GUCY2D: variants seen among roughly 807,000 people sequenced by gnomAD.
GUCY2D encodes the protein retinal guanylyl cyclase 1.
In GUCY2D, 70 loss-of-function variants were observed where a neutral mutation model predicts 101.3. That is an observed-to-expected ratio of 0.69 (90% confidence interval 0.57 to 0.84). The LOEUF is 0.84. Among genes scored for constraint, GUCY2D ranks in the 40% least tolerant of loss-of-function variants. The pLI is 0.00. For synonymous variants in GUCY2D, 688 were observed against 670.7 expected, an observed-to-expected ratio of 1.03 and a Z score of -0.40; for missense variants, 1,460 against 1,542.5, an observed-to-expected ratio of 0.95 and a Z score of 0.90.
intron 19 of GUCY2D, among the ~76,000 whole-genome samples, chr17:8,017,665 C>T (rs1044736063): frequency 6.6e-6 from 1 of 152,166 alleles, no homozygotes; most frequent in Non-Finnish European, 1.5e-5. Flanking sequence ...GCTGAGCAAG[C>T]AGTTGGACAG....
chr17:8,017,343 A>C (rs1315832684), intron 19 of GUCY2D, among the ~76,000 whole-genome samples: 1 of 152,140 alleles, frequency 6.6e-6, no homozygotes, highest in Admixed American at 6.5e-5. Flanking sequence ...TCCGCTTCCC[A>C]GTGTCTCTCA....
chr17:8,016,371 G>T, intron 18 of GUCY2D, 72 bp from the exon 19 acceptor site: 1 of 1,439,900 alleles, frequency 6.9e-7, no homozygotes. Flanking sequence ...CGCGCGCGAG[G>T]CAGCGATGAC....
chr17:8,016,407 T>C (rs1316247815), intron 18 of GUCY2D, 36 bp from the exon 19 acceptor site: 1 of 1,469,588 alleles, frequency 6.8e-7, no homozygotes, highest in Admixed American at 2.0e-5. Flanking sequence ...CCACGCCCCA[T>C]TCCCCTTCCC....
Position 8,013,048 on chromosome 17 carries a change from T to C in GUCY2D, c.2114-55T>C, listed in dbSNP as rs1009831970. On this transcript the variant is annotated intron_variant, in intron 10 of 19. Transcript: ENST00000254854. The surrounding 1 kb of genome is among the most constrained non-coding windows in gnomAD (Gnocchi z 5.0). Reference sequence around the variant, plus strand: ...TGTCTGGGTGCCAACCTGGGCTTTCTGGTGAGGGTGGGAGTCTTTCCCCAG... The same window carrying C: ...TGTCTGGGTGCCAACCTGGGCTTTCCGGTGAGGGTGGGAGTCTTTCCCCAG... The C allele has an allele frequency of 7.0e-6, 11 of 1,571,232 alleles. No individual in the cohort carries two copies. The highest frequency in any genetic ancestry group is 6.7e-5 in the East Asian group (3 of 44,480).
chr17:8,003,186 C>G lies in GUCY2D; in HGVS notation c.139C>G (p.Pro47Ala). Residue 47 changes from proline to alanine, a missense_variant, in exon 2 of 20, where the codon CCC (proline) becomes GCC (alanine). Pro to Ala is a conservative substitution (Grantham distance 27). This residue lies in a region of GUCY2D where 1,196 missense variants were observed against 1,229.6 expected (regional missense o/e 0.97). Transcript: ENST00000254854. ...CCTGCTGCTCCTGCTTCTGCTGCAG[C>G]CCCCCGCCCTCTCCGCCGTGTTCAC... is the stretch of plus-strand genomic sequence containing the variant. ...PLLLLLLLLQ[P>A]PALSAVFTVG... 6.6e-7 allele frequency: 1 copy of G among 1,514,272 alleles called. No homozygotes were observed. Among genetic ancestry groups the G allele is most frequent in the Non-Finnish European group, 8.8e-7 (1 of 1,137,160 alleles). 93.8% of individuals were successfully genotyped at this position (1,514,272 alleles called of 1,614,324 possible). A position where few individuals can be genotyped will look rare whatever the true frequency, so the allele number is the denominator to read the frequency against.
At position 8,014,511 on chromosome 17, in the gene GUCY2D, C is replaced by T; in HGVS notation, c.2413-90C>T. 8.2e-7 allele frequency: 1 copy of T among 1,221,406 alleles called. No individual in the cohort carries two copies. 75.7% of individuals were successfully genotyped at this position (1,221,406 alleles called of 1,614,324 possible). ...CAGCGGGGTTGGGGTTCAGAGTGAA[C>T]AGCCCCATGAGAGGGCCCATGAGGG... On this transcript the variant is annotated intron_variant, in intron 12 of 19. Transcript: ENST00000254854. The surrounding 1 kb of genome is among the most constrained non-coding windows in gnomAD (Gnocchi z 4.0).
chr17:8,010,827 G>A (rs561715780), intron 8 of GUCY2D, among the ~76,000 whole-genome samples: 83 of 143,670 alleles, frequency 5.8e-4, no homozygotes, highest in Middle Eastern at 3.6e-3. Flanking sequence ...AAAAAAAAAA[G>A]GAAAGGAAAG....
chr17:8,004,402 T>C (rs911825701), intron 3 of GUCY2D, among the ~76,000 whole-genome samples: 3 of 152,208 alleles, frequency 2.0e-5, no homozygotes, highest in Non-Finnish European at 4.4e-5. Context: ...AACTGTAAAC[T>C]GCAAAACCTT....
At chr17:8,012,732 G>C in intron 10 of GUCY2D, 126 bp downstream of exon 10, 1 of 823,064 alleles carries the variant, frequency 1.2e-6, no homozygotes, top group Non-Finnish European at 2.0e-6. Flanking sequence ...CACAATTCCT[G>C]CTACAGAAAA....
chr17:8,006,655 G>A lies in GUCY2D; in HGVS notation c.1319G>A (p.Gly440Glu), dbSNP rs1435233031. ...ACCCGGATGCACTTCCCGCGTGGGG[G>A]ATCAGCACCCGGACCTGACCCCTCG... ...AGTRMHFPRGGSAPGPDPSCW... is the reference protein window; with the variant it reads ...AGTRMHFPRGESAPGPDPSCW... The change falls in exon 4 of 20, where the codon GGA (glycine) becomes GAA (glutamate). Residue 440 changes from glycine (G) to glutamate (E), a missense_variant. Around this residue, in one of 3 missense-constraint regions of GUCY2D, gnomAD observed 1,196 missense variants for 1,229.6 expected, o/e 0.97. Coordinates refer to ENST00000254854, the MANE Select transcript of GUCY2D (RefSeq NM_000180.4). 1 of 1,612,678 alleles carries A rather than the reference G, an allele frequency of 6.2e-7. No homozygotes were observed.
In GUCY2D at chr17:8,009,515, GT is replaced by G; in HGVS notation, c.1681del (p.Trp561GlyfsTer2). On this transcript the variant is annotated frameshift_variant, in exon 8 of 20. Coordinates refer to ENST00000254854, the MANE Select transcript of GUCY2D (RefSeq NM_000180.4). LOFTEE classifies it high-confidence loss of function. ...ATCCTCTTTGCTGCAGGGAGACAGG[GT>G]TTGGCTGAAGAAATTCCCAGGGGAT... ...PNIGVYEGDRVWLKKFPGDQH... is the reference protein window; with the variant it reads ...PNIGVYEGDRXWLKKFPGDQH... The G allele has an allele frequency of 6.2e-7, 1 of 1,612,570 alleles. No individual in the cohort carries two copies. The highest frequency in any genetic ancestry group is 8.5e-7 in the Non-Finnish European group (1 of 1,178,552).
intron 17 of GUCY2D, 25 bp from the exon 18 acceptor site, chr17:8,016,180 C>A: frequency 6.6e-7 from 1 of 1,515,404 alleles, no homozygotes; most frequent in Non-Finnish European, 9.0e-7. Context: ...CCGCCTAAGT[C>A]CTTCCCTCTC....
In GUCY2D at chr17:8,011,671, T is replaced by A. The variant is rs898460559; in HGVS notation, c.1750-473T>A. ...GGCTCCCATCTCTACAGAAAAAAAATTTTAAATGTTATCTAGGCATGGTGG... is the reference window on the plus strand; with the variant it reads ...GGCTCCCATCTCTACAGAAAAAAAAATTTAAATGTTATCTAGGCATGGTGG... On this transcript the variant is annotated intron_variant, in intron 8 of 19. Transcript: ENST00000254854. The surrounding 1 kb of genome is among the most constrained non-coding windows in gnomAD (Gnocchi z 4.3). Among the ~76,000 whole-genome samples the A allele has an allele frequency of 2.1e-4, 32 of 151,858 alleles. No homozygotes were observed. Among genetic ancestry groups the A allele is most frequent in the African/African-American group, 5.8e-4 (24 of 41,398 alleles).
rs1182015096 is a variant in GUCY2D at position 8,012,542 on chromosome 17, T to C, written c.2049T>C (p.Thr683=). The C allele has an allele frequency of 1.2e-6, 2 of 1,613,946 alleles. No homozygotes were observed. Among genetic ancestry groups the C allele is most frequent in the Non-Finnish European group, 1.7e-6 (2 of 1,179,994 alleles). The change falls in exon 10 of 20, where the codon ACT becomes ACC. Residue 683 remains threonine, a synonymous_variant. Coordinates refer to ENST00000254854, the MANE Select transcript of GUCY2D (RefSeq NM_000180.4). ...IVDGRFVLKI[T]DHGHGRLLEA... ...ATGGCAGATTCGTACTCAAGATCAC[T>C]GACCACGGCCACGGGAGACTGCTGG... is the stretch of plus-strand genomic sequence containing the variant.
At position 8,018,736 on chromosome 17, in the gene GUCY2D, A is replaced by AAC. The variant is rs1976020836; in HGVS notation, c.*25-1390_*25-1389dup. Among the ~76,000 whole-genome samples, 2 of 151,948 alleles carry AAC rather than the reference A, an allele frequency of 1.3e-5. 1 individual carries two copies. Among genetic ancestry groups the AAC allele is most frequent in the African/African-American group, 4.8e-5 (2 of 41,368 alleles). On this transcript the variant is annotated intron_variant, in intron 19 of 19. Coordinates refer to ENST00000254854, the MANE Select transcript of GUCY2D (RefSeq NM_000180.4). ...GACTCCGAGACACCAAGATTTTTTG[A>AAC]ACATTCCTTTATATTCCTGCCTGGT...
intron 6 of GUCY2D, among the ~76,000 whole-genome samples, 199 bp downstream of exon 6, chr17:8,007,727 G>C (rs946988141): frequency 6.6e-6 from 1 of 152,124 alleles, no homozygotes; most frequent in Non-Finnish European, 1.5e-5. Flanking sequence ...CTTTCCTGGC[G>C]GGGAGGTGAA....
chr17:8,012,293 G>A lies in GUCY2D; in HGVS notation c.1899G>A (p.Gln633=). 6.2e-7 allele frequency: 1 copy of A among 1,613,992 alleles called. No individual in the cohort carries two copies. Among genetic ancestry groups the A allele is most frequent in the South Asian group, 1.1e-5 (1 of 91,074 alleles). ...TRGSLQDLLA[Q]REIKLDWMFK... ...GCTCTCTTCAGGACCTCCTCGCTCA[G>A]AGAGAAATAAAGCTGGACTGGATGT... Residue 633 remains glutamine, a synonymous_variant, in exon 9 of 20, where the codon CAG becomes CAA. Transcript: ENST00000254854.
chr17:8,003,650 G>T lies in GUCY2D; in HGVS notation c.603G>T (p.Leu201=), dbSNP rs369547545. ...TGTGGGTGGAGGCGGGACGCTCACT[G>T]TCCACGGCACTCAGGGCCCGGGGCC... is the stretch of plus-strand genomic sequence containing the variant. ...QDLWVEAGRS[L]STALRARGLP... is the part of the protein sequence containing the mutation. The change falls in exon 2 of 20, where the codon CTG becomes CTT. Residue 201 remains leucine (L), a synonymous_variant. Coordinates refer to ENST00000254854, the MANE Select transcript of GUCY2D (RefSeq NM_000180.4). 2 of 1,595,018 alleles carry T rather than the reference G, an allele frequency of 1.3e-6. No individual in the cohort carries two copies. Among genetic ancestry groups the T allele is most frequent in the Non-Finnish European group, 1.7e-6 (2 of 1,178,026 alleles).
chr17:8,006,483 C>T lies in GUCY2D; in HGVS notation c.1147C>T (p.Arg383Trp), dbSNP rs545271894. The change falls in exon 4 of 20, where the codon CGG becomes TGG. Residue 383 changes from arginine (R) to tryptophan (W), a missense_variant. By Grantham distance (101) the Arg-to-Trp change is moderately radical. Coordinates refer to ENST00000254854, the MANE Select transcript of GUCY2D (RefSeq NM_000180.4). ...VSGAAVARHI[R>W]DAQVPGFCGD... ...CGGAGCAGCTGTGGCCCGCCACATC[C>T]GGGATGCGCAGGTCCCTGGCTTCTG... is the stretch of plus-strand genomic sequence containing the variant. 1.0e-5 allele frequency: 16 copies of T among 1,607,658 alleles called. No individual in the cohort carries two copies. The highest frequency in any genetic ancestry group is 2.2e-5 in the South Asian group (2 of 91,088).
Sources: allele counts gnomAD v4.1 joint callset (sites outside exome capture counted in the v4.1 genomes callset), GRCh38; gene constraint gnomAD v4.1.1; regional missense constraint gnomAD v4.1.1; non-coding constraint Gnocchi (gnomAD v3.1); transcripts MANE v1.5; gene names NCBI Gene and HGNC (gene_info 2026-07-23, HGNC 2026-07-21).